The following CLUAP1 variants were observed in gnomAD, a reference collection of about 807,000 sequenced individuals.
CLUAP1 encodes clusterin-associated protein 1.
In CLUAP1, 50 loss-of-function variants were observed where a neutral mutation model predicts 55.0. The ratio of observed to expected loss-of-function variants is 0.91; its 90% CI spans 0.72 to 1.15. The LOEUF is 1.15. CLUAP1 is among the 50% of genes most tolerant of loss of function. CLUAP1 has a pLI of 0.00. For synonymous variants in CLUAP1, 195 were observed against 175.4 expected (o/e 1.11, Z -0.88); for missense variants, 530 against 507.6 (o/e 1.04, Z -0.42).
chr16:3,519,220 T>C (rs1430387217), intron 6 of CLUAP1, among the ~76,000 whole-genome samples: 1 of 152,202 alleles, frequency 6.6e-6, no homozygotes, highest in Non-Finnish European at 1.5e-5. Flanking sequence ...TTCCCTTCTT[T>C]ACTCAGCCTC....
chr16:3,505,058 C>G (rs958996797), intron 2 of CLUAP1, among the ~76,000 whole-genome samples: 3 of 152,152 alleles, frequency 2.0e-5, no homozygotes, highest in Admixed American at 2.0e-4. Flanking sequence ...ATCAACATAG[C>G]AAGACCCTGT....
Position 3,512,703 on chromosome 16 carries a change from C to T in CLUAP1, c.495+225C>T, listed in dbSNP as rs539403063. Among the ~76,000 whole-genome samples, 306 of 152,102 alleles carry T rather than the reference C, an allele frequency of 2.0e-3. 1 individual carries two copies. Among genetic ancestry groups the T allele is most frequent in the African/African-American group, 7.0e-3 (292 of 41,500 alleles). On this transcript the variant is annotated intron_variant, in intron 5 of 11. Coordinates refer to ENST00000576634, the MANE Select transcript of CLUAP1 (RefSeq NM_015041.3). ...TATTTTTATTTATTTATTTTTGAGA[C>T]GGAGTCTCGCTGTGTTGCCCAGGCT...
At chr16:3,517,576 T>C (rs535747315) in intron 6 of CLUAP1, among the ~76,000 whole-genome samples, 1 of 152,158 alleles carries the variant, frequency 6.6e-6, no homozygotes, top group Admixed American at 6.5e-5. Context: ...CCTCTCAAAG[T>C]GCTGGGATTA....
chr16:3,500,410 G>A (rs150615493), upstream of CLUAP1, among the ~76,000 whole-genome samples: 3,687 of 141,932 alleles, frequency 0.026, 146 homozygotes, highest in African/African-American at 0.086. Context: ...TCGCTCTGTC[G>A]CCAGGCCGAA....
At chr16:3,527,477 G>A (rs1401158433) in intron 9 of CLUAP1, among the ~76,000 whole-genome samples, 4 of 152,040 alleles carry the variant, frequency 2.6e-5, no homozygotes, top group Non-Finnish European at 2.9e-5. Context: ...AGTGGACCGT[G>A]GTCTAGTGGT....
At chr16:3,501,789 CA>C (rs113665759) in intron 1 of CLUAP1, among the ~76,000 whole-genome samples, 5 of 145,738 alleles carry the variant, frequency 3.4e-5, no homozygotes, top group South Asian at 2.2e-4. Context: ...AAAAACAAAC[CA>C]AAAAAAAAAC....
intron 6 of CLUAP1, among the ~76,000 whole-genome samples, chr16:3,516,998 G>T (rs1596392440): frequency 6.6e-6 from 1 of 152,060 alleles, no homozygotes; most frequent in East Asian, 1.9e-4. Flanking sequence ...TTAATTTTAT[G>T]GTATAATAGA....
chr16:3,506,972 G>T (rs1416354741), intron 3 of CLUAP1, among the ~76,000 whole-genome samples: 1 of 151,996 alleles, frequency 6.6e-6, no homozygotes, highest in Non-Finnish European at 1.5e-5. Context: ...CGAGGTGGGC[G>T]GATCACGAGG....
At chr16:3,513,969 T>C (rs1317542934) in intron 5 of CLUAP1, among the ~76,000 whole-genome samples, 2 of 152,178 alleles carry the variant, frequency 1.3e-5, no homozygotes, top group African/African-American at 2.4e-5. Flanking sequence ...AGGTGCTAGA[T>C]TGCTATGTCT....
At chr16:3,529,463 A>AT (rs2038018150) in intron 9 of CLUAP1, among the ~76,000 whole-genome samples, 1 of 80,954 alleles carries the variant, frequency 1.2e-5, no homozygotes, top group Non-Finnish European at 2.2e-5. Context: ...ATTATATATA[A>AT]TATATATTAT....
At chr16:3,503,328 A>T (rs948428743) in intron 1 of CLUAP1, among the ~76,000 whole-genome samples, 1 of 151,952 alleles carries the variant, frequency 6.6e-6, no homozygotes, top group Non-Finnish European at 1.5e-5. Flanking sequence ...ACACCTGGCT[A>T]ATTTTTTTGT....
At chr16:3,530,743 G>C in intron 10 of CLUAP1, 68 bp downstream of exon 10, 1 of 1,270,126 alleles carries the variant, frequency 7.9e-7, no homozygotes, top group Non-Finnish European at 1.1e-6. Context: ...GCCAGGACTG[G>C]GGCAGGCTGC....
chr16:3,530,707 C>T, intron 10 of CLUAP1, 32 bp downstream of exon 10: 1 of 1,560,996 alleles, frequency 6.4e-7, no homozygotes, highest in Non-Finnish European at 8.8e-7. Flanking sequence ...GACTTCCTCC[C>T]TGCGCCCTGT....
In CLUAP1 at chr16:3,537,266, A is replaced by G. The variant is rs1043718142; in HGVS notation, c.*995A>G. ...TTCATGTTTCTGATTTAAAAAAACA[A>G]CAACACAGGATTGAATTAAGTAGAG... On this transcript the variant is annotated 3_prime_UTR_variant, in exon 12 of 12. Coordinates refer to ENST00000576634, the MANE Select transcript of CLUAP1 (RefSeq NM_015041.3). 6.6e-6 allele frequency: 1 copy of G among 152,250 alleles called. No homozygotes were observed. The highest frequency in any genetic ancestry group is 1.5e-5 in the Non-Finnish European group (1 of 68,052). The allele number at this position is 152,250 out of a possible 1,614,324, so 9.4% of individuals were successfully genotyped here.
chr16:3,504,876 T>G, intron 2 of CLUAP1, 45 bp downstream of exon 2: 2 of 1,130,264 alleles, frequency 1.8e-6, no homozygotes, highest in Non-Finnish European at 2.7e-6. Flanking sequence ...ATACTGGGTT[T>G]TATTTATTAG....
intron 10 of CLUAP1, among the ~76,000 whole-genome samples, chr16:3,531,152 C>T (rs369123170): frequency 7.5e-4 from 114 of 152,196 alleles, no homozygotes; most frequent in African/African-American, 2.6e-3. Context: ...CCTAGGAGCT[C>T]GGAGCTGTAG....
intron 8 of CLUAP1, 73 bp from the exon 9 acceptor site, chr16:3,526,339 C>A: frequency 1.0e-6 from 1 of 995,268 alleles, no homozygotes; most frequent in South Asian, 1.9e-5. Context: ...GCAGTCCTTA[C>A]ACAGTGGTGA....
chr16:3,527,133 C>G (rs571030969), intron 9 of CLUAP1, among the ~76,000 whole-genome samples: 1 of 151,834 alleles, frequency 6.6e-6, no homozygotes, highest in East Asian at 1.9e-4. Flanking sequence ...GCCCAGGTGC[C>G]GAGGCAAGAG....
intron 6 of CLUAP1, among the ~76,000 whole-genome samples, chr16:3,517,567 C>T (rs1302443750): frequency 6.6e-6 from 1 of 152,094 alleles, no homozygotes; most frequent in Admixed American, 6.5e-5. Context: ...CCGCCTTGAC[C>T]TCTCAAAGTG....
Sources: gnomAD v4.1 joint callset for allele counts (sites outside exome capture counted in the v4.1 genomes callset) on GRCh38, gnomAD v4.1.1 for gene constraint, MANE v1.5 for transcripts, NCBI Gene and HGNC (gene_info 2026-07-23, HGNC 2026-07-21) for gene names.